Variants in DMD observed in about 807,000 individuals in gnomAD.
DMD encodes the protein dystrophin, also known as mutant dystrophin.
Under a neutral mutation model 330.1 loss-of-function variants are expected in DMD, and 63 were observed. That is an observed-to-expected ratio of 0.19 (90% confidence interval 0.16 to 0.24). DMD has a LOEUF of 0.24. DMD is among the 10% of genes least tolerant of loss of function. The pLI is 1.00. For synonymous variants in DMD, 1,223 were observed against 959.8 expected, an observed-to-expected ratio of 1.27 and a Z score of -5.07; for missense variants, 3,344 against 2,684.1, an observed-to-expected ratio of 1.25 and a Z score of -5.43.
intron 53 of DMD, among the ~76,000 whole-genome samples, chrX:31,674,165 T>A (rs2081958431): frequency 8.9e-6 from 1 of 112,025 alleles, no homozygotes; most frequent in Non-Finnish European, 1.9e-5. Context: ...AAATTCAGTT[T>A]CCACTACCGT....
intron 55 of DMD, among the ~76,000 whole-genome samples, chrX:31,593,216 T>C (rs2076959310): frequency 9.0e-6 from 1 of 110,796 alleles, no homozygotes; most frequent in South Asian, 3.7e-4. Context: ...GAGGAGAAAA[T>C]GGTGGCACAC....
At chrX:32,273,321 G>A (rs2097372382) in intron 43 of DMD, among the ~76,000 whole-genome samples, 1 of 110,707 alleles carries the variant, frequency 9.0e-6, no homozygotes, top group African/African-American at 3.3e-5. Flanking sequence ...GCCGGGTGCA[G>A]TGGTGTGCCT....
chrX:32,976,305 G>T (rs1311622570), intron 2 of DMD, among the ~76,000 whole-genome samples: 1 of 110,812 alleles, frequency 9.0e-6, no homozygotes, highest in Non-Finnish European at 1.9e-5. Context: ...AAACGTGAAA[G>T]CACTGTGATT....
intron 7 of DMD, among the ~76,000 whole-genome samples, chrX:32,776,292 C>CCA (rs1361839024): frequency 9.3e-6 from 1 of 107,787 alleles, no homozygotes; most frequent in Non-Finnish European, 1.9e-5. Flanking sequence ...ACCCCCCCCC[C>CCA]AAATTGTTCC....
At chrX:33,095,965 T>G (rs1339457187) in intron 1 of DMD, among the ~76,000 whole-genome samples, 1 of 8,482 alleles carries the variant, frequency 1.2e-4, no homozygotes, top group African/African-American at 2.3e-4. Flanking sequence ...TCTTCCAGAA[T>G]TTTTTTTTTT....
intron 55 of DMD, among the ~76,000 whole-genome samples, chrX:31,567,636 A>G (rs1333918009): frequency 1.2e-4 from 13 of 111,464 alleles, no homozygotes; most frequent in Non-Finnish European, 2.1e-4. Context: ...TTTTGTCTCT[A>G]GGCTCATTTA....
intron 37 of DMD, among the ~76,000 whole-genome samples, chrX:32,359,811 A>G (rs982288415): frequency 9.0e-6 from 1 of 111,035 alleles, no homozygotes; most frequent in Non-Finnish European, 1.9e-5. Context: ...AAAATGGCAG[A>G]TATTTCCCCC....
At chrX:31,536,476 C>T (rs1381283040) in intron 55 of DMD, among the ~76,000 whole-genome samples, 5 of 111,564 alleles carry the variant, frequency 4.5e-5, no homozygotes, top group Non-Finnish European at 9.4e-5. Context: ...AAACTGCAAA[C>T]AGAATAGAGT....
At chrX:33,252,745 T>A (rs2052791959) in intron 1 of DMD, among the ~76,000 whole-genome samples, 1 of 111,424 alleles carries the variant, frequency 9.0e-6, no homozygotes, top group African/African-American at 3.3e-5. Flanking sequence ...AAATTTTTAT[T>A]AAAGCAATAT....
intron 55 of DMD, among the ~76,000 whole-genome samples, chrX:31,554,897 C>A (rs769005976): frequency 1.8e-4 from 20 of 111,500 alleles, no homozygotes; most frequent in South Asian, 3.8e-4. Flanking sequence ...TGCAGGAGAT[C>A]CGGTTTGGGA....
intron 13 of DMD, among the ~76,000 whole-genome samples, chrX:32,581,575 G>C (rs1014167832): frequency 1.8e-5 from 2 of 111,936 alleles, no homozygotes; most frequent in Admixed American, 9.4e-5. Context: ...AATGATTCGA[G>C]CTGACTCCAA....
At chrX:31,151,690 A>G (rs1284621220) in intron 74 of DMD, among the ~76,000 whole-genome samples, 1 of 112,781 alleles carries the variant, frequency 8.9e-6, no homozygotes, top group East Asian at 2.8e-4. Context: ...CAATTGCTCA[A>G]TGCAGGCCTT....
intron 63 of DMD, among the ~76,000 whole-genome samples, chrX:31,241,918 G>A (rs1172786248): frequency 9.0e-6 from 1 of 111,004 alleles, no homozygotes. Flanking sequence ...TATAATTTAA[G>A]GCACTTAGTT....
At chrX:32,454,575 C>T in intron 26 of DMD, 87 bp downstream of exon 26, 1 of 755,523 alleles carries the variant, frequency 1.3e-6, no homozygotes, top group Non-Finnish European at 1.9e-6. Flanking sequence ...AAAGAGCAGA[C>T]TGTATACAAC....
In DMD at chrX:33,035,968, A is replaced by G. The variant is rs140725839; in HGVS notation, c.32-15768T>C. On this transcript the variant is annotated intron_variant, in intron 1 of 78. Transcript: ENST00000357033. Reference sequence around the variant, plus strand: ...TGTGTGTGAACTTAATACTAAATTTAGACAAGTATTCATTGATTAGGAAAT... The same window carrying G: ...TGTGTGTGAACTTAATACTAAATTTGGACAAGTATTCATTGATTAGGAAAT... Among the ~76,000 whole-genome samples, 434 of 112,114 alleles carry G rather than the reference A, an allele frequency of 3.9e-3. 1 individual carries two copies. Among genetic ancestry groups the G allele is most frequent in the African/African-American group, 0.013 (412 of 30,934 alleles).
chrX:32,604,930 C>A (rs2056560299), intron 12 of DMD, among the ~76,000 whole-genome samples: 1 of 110,689 alleles, frequency 9.0e-6, no homozygotes, highest in Non-Finnish European at 1.9e-5. Context: ...AAAACTTTCC[C>A]TGCTCATGGA....
chrX:33,084,475 G>A (rs1194175746), intron 1 of DMD, among the ~76,000 whole-genome samples: 1 of 111,903 alleles, frequency 8.9e-6, no homozygotes, highest in East Asian at 2.8e-4. Flanking sequence ...TTGGTGGGTC[G>A]GGGGAAGCCA....
chrX:32,279,310 G>T (rs1281230469), intron 43 of DMD, among the ~76,000 whole-genome samples: 1 of 111,416 alleles, frequency 9.0e-6, no homozygotes, highest in Non-Finnish European at 1.9e-5. Flanking sequence ...CCACTGCTGG[G>T]TATATATCCC....
chrX:32,751,381 T>C (rs1204288138), intron 7 of DMD, among the ~76,000 whole-genome samples: 2 of 111,495 alleles, frequency 1.8e-5, no homozygotes, highest in Non-Finnish European at 3.8e-5. Flanking sequence ...TCATTATATT[T>C]TAGCAAAGAG....
Sources: gnomAD v4.1 joint callset for allele counts (sites outside exome capture counted in the v4.1 genomes callset) on GRCh38, gnomAD v4.1.1 for gene constraint, MANE v1.5 for transcripts, NCBI Gene and HGNC (gene_info 2026-07-23, HGNC 2026-07-21) for gene names.